The following SYCP2 variants were observed in gnomAD, a reference collection of about 807,000 sequenced individuals.
SYCP2 encodes the protein synaptonemal complex lateral element protein.
In SYCP2, 55 loss-of-function variants were observed where a neutral mutation model predicts 211.3. The observed-to-expected ratio is 0.26, with a 90% confidence interval of 0.21 to 0.33. The LOEUF (loss-of-function observed/expected upper bound fraction) is 0.33, where lower values mean the gene tolerates loss of function less well. SYCP2 is among the 10% of genes least tolerant of loss of function. SYCP2 has a pLI of 1.00. For missense variants in SYCP2, 1,731 were observed against 1,752.0 expected, an observed-to-expected ratio of 0.99 and a Z score of 0.21; for synonymous variants, 570 against 555.2, an observed-to-expected ratio of 1.03 and a Z score of -0.37.
At chr20:59,897,438 A>G (rs772887022) in intron 18 of SYCP2, among the ~76,000 whole-genome samples, 27 of 152,328 alleles carry the variant, frequency 1.8e-4, no homozygotes, top group Non-Finnish European at 3.7e-4. Context: ...CAAACAGTTC[A>G]TCCTTATTGA....
chr20:59,889,550 T>A (rs2145720059), intron 24 of SYCP2, among the ~76,000 whole-genome samples: 1 of 152,152 alleles, frequency 6.6e-6, no homozygotes, highest in African/African-American at 2.4e-5. Flanking sequence ...GTTTTTTAGT[T>A]GTAGTAATAT....
intron 26 of SYCP2, among the ~76,000 whole-genome samples, chr20:59,885,691 A>G (rs1336140021): frequency 6.6e-6 from 1 of 152,156 alleles, no homozygotes; most frequent in African/African-American, 2.4e-5. Flanking sequence ...TGAATCATAT[A>G]CCAAAAAGTA....
intron 24 of SYCP2, among the ~76,000 whole-genome samples, chr20:59,889,426 T>A (rs530672672): frequency 1.9e-4 from 29 of 152,082 alleles, no homozygotes; most frequent in African/African-American, 6.7e-4. Flanking sequence ...AAAATAAGAA[T>A]TATTCTCAGC....
rs534385187 is a variant in SYCP2 at position 59,888,999 on chromosome 20, T to G, written c.2365-2165A>C. Reference sequence around the variant, plus strand: ...GGAGATCTAAATAAATGAAGAGATATTCCACATATATGGATAGAAAGCTCA... The same window carrying G: ...GGAGATCTAAATAAATGAAGAGATAGTCCACATATATGGATAGAAAGCTCA... On this transcript the variant is annotated intron_variant, in intron 24 of 44. Coordinates refer to ENST00000357552, the MANE Select transcript of SYCP2 (RefSeq NM_014258.4). Among the ~76,000 whole-genome samples the G allele has an allele frequency of 3.3e-5, 5 of 152,150 alleles. No homozygotes were observed. In the South Asian group the frequency reaches 1.0e-3, roughly 32 times the overall value.
chr20:59,930,081 T>C (rs1159990163), intron 2 of SYCP2, among the ~76,000 whole-genome samples: 1 of 152,110 alleles, frequency 6.6e-6, no homozygotes. Context: ...GGCATCTCTA[T>C]TAGCTCAAAA....
intron 34 of SYCP2, 115 bp from the exon 35 acceptor site, chr20:59,874,176 A>C: frequency 1.8e-6 from 1 of 542,792 alleles, no homozygotes; most frequent in Non-Finnish European, 3.0e-6. Flanking sequence ...TTCAAATCTT[A>C]GCTATAAAAA....
chr20:59,913,059 A>G lies in SYCP2; in HGVS notation c.831-641T>C, dbSNP rs78311940. ...TTAAAACAGACTAATACAGTGTGCT[A>G]TCAAATATGAGCAGAGTTTCCTAAC... On this transcript the variant is annotated intron_variant, in intron 12 of 44. Coordinates refer to ENST00000357552, the MANE Select transcript of SYCP2 (RefSeq NM_014258.4). Among the ~76,000 whole-genome samples the G allele has an allele frequency of 7.4e-3, 1,126 of 152,328 alleles. 16 individuals are homozygous for G. The highest frequency in any genetic ancestry group is 0.026 in the African/African-American group (1,061 of 41,572).
intron 33 of SYCP2, 109 bp from the exon 34 acceptor site, chr20:59,875,578 A>T: frequency 1.3e-6 from 1 of 778,918 alleles, no homozygotes; most frequent in Non-Finnish European, 2.0e-6. Flanking sequence ...ATTACCACAT[A>T]CAGGCATAAC....
At chr20:59,874,118 G>C (rs576032246) in intron 34 of SYCP2, 57 bp from the exon 35 acceptor site, 18 of 884,910 alleles carry the variant, frequency 2.0e-5, no homozygotes, top group Admixed American at 2.0e-4. Context: ...ATTGATGTCT[G>C]CTTTAGAAAT....
At position 59,875,939 on chromosome 20, in the gene SYCP2, T is replaced by C. The variant is rs148655510; in HGVS notation, c.3151-470A>G. On this transcript the variant is annotated intron_variant, in intron 33 of 44. Coordinates refer to ENST00000357552, the MANE Select transcript of SYCP2 (RefSeq NM_014258.4). The stretch of plus-strand genomic sequence containing the variant: ...GTTCTGGGCATACACTGGAGAAGGG[T>C]AGAAAAAAGCTTGGAATGGCATTTT... 1.0e-3 allele frequency among the ~76,000 whole-genome samples: 154 copies of C among 152,104 alleles called. No homozygotes were observed. The Middle Eastern group carries it at 0.024, about 24-fold the overall frequency.
chr20:59,909,226 G>A (rs1039163922), intron 14 of SYCP2, among the ~76,000 whole-genome samples: 3 of 152,116 alleles, frequency 2.0e-5, no homozygotes, highest in African/African-American at 7.2e-5. Flanking sequence ...TAAAACCCAT[G>A]GTTCTGTCAT....
intron 2 of SYCP2, among the ~76,000 whole-genome samples, chr20:59,931,205 A>G (rs2060734132): frequency 6.6e-6 from 1 of 152,202 alleles, no homozygotes; most frequent in African/African-American, 2.4e-5. Flanking sequence ...GGACTGCTTG[A>G]GCCCAGGAGC....
chr20:59,899,857 T>C lies in SYCP2; in HGVS notation c.1404+281A>G, dbSNP rs373010280. 2.6e-5 allele frequency among the ~76,000 whole-genome samples: 4 copies of C among 152,152 alleles called. No individual in the cohort carries two copies. In the South Asian group the frequency reaches 6.2e-4, roughly 24 times the overall value. ...TCTACATTATAGCCAAATGCAATTATAGAACAAAAAGGATACATTCAAGAA... is the reference window on the plus strand; with the variant it reads ...TCTACATTATAGCCAAATGCAATTACAGAACAAAAAGGATACATTCAAGAA... On this transcript the variant is annotated intron_variant, in intron 18 of 44. Coordinates refer to ENST00000357552, the MANE Select transcript of SYCP2 (RefSeq NM_014258.4).
chr20:59,876,086 CAG>C (rs975770648), intron 33 of SYCP2, among the ~76,000 whole-genome samples: 28 of 151,880 alleles, frequency 1.8e-4, no homozygotes, highest in African/African-American at 6.8e-4. Context: ...TAAGAAGTGA[CAG>C]AAGGCTGGGC....
rs754484014 is a variant in SYCP2 at position 59,915,183 on chromosome 20, T to C, written c.616A>G (p.Arg206Gly). 29 of 1,581,750 alleles carry C rather than the reference T, an allele frequency of 1.8e-5. No individual in the cohort carries two copies. Among genetic ancestry groups the C allele is most frequent in the Non-Finnish European group, 2.4e-5 (28 of 1,152,216 alleles). Residue 206 changes from arginine to glycine, a missense_variant, in exon 10 of 45, where the codon AGG becomes GGG. Around this residue, in one of 3 missense-constraint regions of SYCP2, gnomAD observed 335 missense variants for 378.8 expected, o/e 0.88. Coordinates refer to ENST00000357552, the MANE Select transcript of SYCP2 (RefSeq NM_014258.4). ...MLILMSSMGE[R>G]ILDAGDYDLQ... Reference sequence around the variant, plus strand: ...TACTTACCTCCAGCATCTAAAATCCTTTCTCCCATACTACTCCTGTGAATT... The same window carrying C: ...TACTTACCTCCAGCATCTAAAATCCCTTCTCCCATACTACTCCTGTGAATT...
intron 34 of SYCP2, 66 bp downstream of exon 34, chr20:59,875,205 T>C: frequency 9.9e-7 from 1 of 1,015,162 alleles, no homozygotes; most frequent in Non-Finnish European, 1.4e-6. Context: ...AATTGTATTT[T>C]CCCATAATTA....
At chr20:59,870,433 TA>T (rs1046708662) in intron 35 of SYCP2, among the ~76,000 whole-genome samples, 1 of 151,748 alleles carries the variant, frequency 6.6e-6, no homozygotes, top group African/African-American at 2.4e-5. Flanking sequence ...ATGTAATTTT[TA>T]AAAAAAGTCT....
At chr20:59,881,250 A>T (rs1331874367) in intron 29 of SYCP2, among the ~76,000 whole-genome samples, 187 bp downstream of exon 29, 1 of 151,794 alleles carries the variant, frequency 6.6e-6, no homozygotes, top group African/African-American at 2.4e-5. Flanking sequence ...TATACAACTA[A>T]TATTCAAAGT....
chr20:59,919,065 A>G, intron 7 of SYCP2, 93 bp downstream of exon 7: 1 of 652,124 alleles, frequency 1.5e-6, no homozygotes, highest in Non-Finnish European at 2.7e-6. Flanking sequence ...ATGAGTTCTT[A>G]ATACTAGGAC....
Sources: gnomAD v4.1 joint callset for allele counts (sites outside exome capture counted in the v4.1 genomes callset) on GRCh38, gnomAD v4.1.1 for gene constraint, gnomAD v4.1.1 regional missense constraint, MANE v1.5 for transcripts, NCBI Gene and HGNC (gene_info 2026-07-23, HGNC 2026-07-21) for gene names.